The following CFTR variants were observed in gnomAD, a reference collection of about 807,000 sequenced individuals.
CFTR encodes cystic fibrosis transmembrane conductance regulator.
In CFTR, 181 loss-of-function variants were observed where a neutral mutation model predicts 171.6. The ratio of observed to expected loss-of-function variants is 1.05; its 90% confidence interval spans 0.93 to 1.19. The LOEUF (loss-of-function observed/expected upper bound fraction) is 1.19, where lower values mean the gene tolerates loss of function less well. Among genes scored for constraint, CFTR ranks in the 50% most tolerant of loss-of-function variants. The pLI, the probability that CFTR is intolerant of heterozygous loss-of-function variation, is 0.00. For synonymous variants in CFTR, 583 were observed against 608.0 expected, an observed-to-expected ratio of 0.96 and a Z score of 0.60; for missense variants, 1,968 against 1,734.7, an observed-to-expected ratio of 1.13 and a Z score of -2.39.
At chr7:117,612,442 AT>A (rs1296386350) in intron 20 of CFTR, among the ~76,000 whole-genome samples, 1 of 152,092 alleles carries the variant, frequency 6.6e-6, no homozygotes, top group East Asian at 1.9e-4. Flanking sequence ...TTCTGGATTG[AT>A]TTTAGGATCT....
intron 24 of CFTR, among the ~76,000 whole-genome samples, chr7:117,653,369 G>T (rs1793116570): frequency 6.6e-6 from 1 of 152,170 alleles, no homozygotes; most frequent in Non-Finnish European, 1.5e-5. Flanking sequence ...ATCTTTGGAG[G>T]CTGAGAAGTC....
intron 1 of CFTR, among the ~76,000 whole-genome samples, chr7:117,492,956 A>C (rs1798184524): frequency 6.6e-6 from 1 of 152,076 alleles, no homozygotes; most frequent in Non-Finnish European, 1.5e-5. Context: ...GAACCAAAGA[A>C]TGCCATGCCC....
chr7:117,526,111 A>G (rs1021316769), intron 3 of CFTR, among the ~76,000 whole-genome samples: 8 of 151,716 alleles, frequency 5.3e-5, no homozygotes, highest in African/African-American at 1.7e-4. Context: ...TTGCTTGTCT[A>G]TAAAGTATTT....
intron 23 of CFTR, among the ~76,000 whole-genome samples, chr7:117,650,159 A>T (rs1355647256): frequency 6.6e-6 from 1 of 152,166 alleles, no homozygotes; most frequent in East Asian, 1.9e-4. Flanking sequence ...AGGTCAATGA[A>T]ATGTTCTAAT....
intron 15 of CFTR, 77 bp downstream of exon 15, chr7:117,595,135 G>A: frequency 8.7e-7 from 1 of 1,147,116 alleles, no homozygotes; most frequent in East Asian, 2.4e-5. Context: ...ACATATATAT[G>A]CACACACATA....
chr7:117,543,533 G>C (rs535945093), intron 9 of CFTR, among the ~76,000 whole-genome samples: 14 of 152,062 alleles, frequency 9.2e-5, no homozygotes, highest in Non-Finnish European at 1.9e-4. Context: ...TATATGTTTT[G>C]TCCCAATTAA....
chr7:117,517,620 A>G (rs944593060), intron 3 of CFTR, among the ~76,000 whole-genome samples: 2 of 152,192 alleles, frequency 1.3e-5, no homozygotes, highest in African/African-American at 4.8e-5. Flanking sequence ...TAGATTCTTG[A>G]GGAATCGCCA....
chr7:117,525,430 G>A (rs1391886398), intron 3 of CFTR, among the ~76,000 whole-genome samples: 2 of 117,768 alleles, frequency 1.7e-5, no homozygotes, highest in Non-Finnish European at 1.7e-5. Flanking sequence ...CAATTCCTGG[G>A]TATCCTTGTT....
intron 3 of CFTR, among the ~76,000 whole-genome samples, chr7:117,516,604 G>A (rs548190813): frequency 2.6e-5 from 4 of 152,192 alleles, no homozygotes; most frequent in African/African-American, 7.2e-5. Flanking sequence ...TGAGGGTGGC[G>A]GTGGGGAGGG....
At chr7:117,593,332 G>A (rs1423382679) in intron 14 of CFTR, among the ~76,000 whole-genome samples, 2 of 152,098 alleles carry the variant, frequency 1.3e-5, no homozygotes, top group Non-Finnish European at 2.9e-5. Flanking sequence ...GAGAGTTTTT[G>A]TTGTTTTAGT....
chr7:117,619,815 G>A (rs746034845), intron 21 of CFTR, among the ~76,000 whole-genome samples: 1 of 152,144 alleles, frequency 6.6e-6, no homozygotes, highest in Non-Finnish European at 1.5e-5. Context: ...GCTCTAGAAA[G>A]TTCTTCCAAG....
chr7:117,480,241 G>A, intron 1 of CFTR, 94 bp downstream of exon 1: 1 of 1,144,634 alleles, frequency 8.7e-7, no homozygotes, highest in Non-Finnish European at 1.3e-6. Flanking sequence ...GGAATAAGCA[G>A]TTTTTAAAAA....
At chr7:117,480,238 G>A in intron 1 of CFTR, 91 bp downstream of exon 1, 1 of 1,194,152 alleles carries the variant, frequency 8.4e-7, no homozygotes, top group Non-Finnish European at 1.3e-6. Flanking sequence ...AAAGGAATAA[G>A]CAGTTTTTAA....
At chr7:117,572,953 A>G (rs1246362692) in intron 11 of CFTR, among the ~76,000 whole-genome samples, 2 of 152,168 alleles carry the variant, frequency 1.3e-5, no homozygotes, top group African/African-American at 2.4e-5. Context: ...GTATTTTCCT[A>G]TCTACAAAGT....
At chr7:117,543,248 T>G (rs1799087009) in intron 9 of CFTR, among the ~76,000 whole-genome samples, 1 of 152,222 alleles carries the variant, frequency 6.6e-6, no homozygotes. Context: ...TTTTACTTCA[T>G]TTTTTAAAGA....
intron 15 of CFTR, among the ~76,000 whole-genome samples, chr7:117,602,523 T>A (rs1458091692): frequency 6.6e-6 from 1 of 152,268 alleles, no homozygotes; most frequent in Non-Finnish European, 1.5e-5. Flanking sequence ...AACATTCAGC[T>A]GTGATCTTGG....
intron 22 of CFTR, among the ~76,000 whole-genome samples, chr7:117,635,099 T>G (rs1488990940): frequency 1.3e-5 from 2 of 152,172 alleles, no homozygotes; most frequent in Non-Finnish European, 2.9e-5. Context: ...GTTACAGTTT[T>G]ATCAACTTCT....
intron 22 of CFTR, among the ~76,000 whole-genome samples, chr7:117,633,246 A>G (rs888668210): frequency 2.6e-5 from 4 of 152,020 alleles, no homozygotes; most frequent in African/African-American, 9.7e-5. Flanking sequence ...ATTTTGTTCA[A>G]GTATTTTGTT....
rs545749165 is a variant in CFTR, at chr7:117,530,816, A to G, written c.274-83A>G. The G allele has an allele frequency of 1.1e-4, 101 of 919,232 alleles. 1 individual carries two copies. The South Asian group carries it at 1.3e-3, about 12-fold the overall frequency. The allele number at this position is 919,232 out of a possible 1,614,324, so 56.9% of individuals were successfully genotyped here. A position where few individuals can be genotyped will look rare whatever the true frequency, so the allele number is the denominator to read the frequency against. ...AACTCATTTTAAGTCTCCTCTAAAG[A>G]TGAAAAGTCTTGTGTTGAAATTCTC... On this transcript the variant is annotated intron_variant, in intron 3 of 26. Transcript: ENST00000003084.
Sources: allele counts gnomAD v4.1 joint callset (sites outside exome capture counted in the v4.1 genomes callset), GRCh38; gene constraint gnomAD v4.1.1; transcripts MANE v1.5; gene names NCBI Gene and HGNC (gene_info 2026-07-23, HGNC 2026-07-21).